SAMD3: variants seen among roughly 807,000 people sequenced by gnomAD.
SAMD3 encodes the protein sterile alpha motif domain-containing protein 3.
SAMD3 carries 63 observed loss-of-function variants against 58.5 expected under a neutral mutation model. The observed-to-expected ratio is 1.08, with a 90% CI of 0.88 to 1.33. SAMD3 has a LOEUF of 1.33. SAMD3 is among the 40% of genes most tolerant of loss of function. The probability of loss-of-function intolerance (pLI) is 0.00; values close to 1 mark genes in which losing one functional copy is unlikely to be tolerated. For synonymous variants in SAMD3, 220 were observed against 210.3 expected (o/e 1.05, Z -0.40); for missense variants, 604 against 608.4 (o/e 0.99, Z 0.08).
chr6:130,303,377 G>A (rs1000973537), intron 2 of SAMD3, among the ~76,000 whole-genome samples: 3 of 152,138 alleles, frequency 2.0e-5, no homozygotes, highest in African/African-American at 7.2e-5. Context: ...AAAGCAGCTA[G>A]TGTCTATTGT....
At chr6:130,286,299 A>G (rs1372181640) in intron 2 of SAMD3, 1 of 152,358 alleles carries the variant, frequency 6.6e-6, no homozygotes, top group Non-Finnish European at 1.5e-5. Context: ...AAACCAATTA[A>G]GGTAGGAGAG....
intron 1 of SAMD3, among the ~76,000 whole-genome samples, chr6:130,218,123 T>A (rs1342475898): frequency 6.6e-6 from 1 of 152,178 alleles, no homozygotes; most frequent in Non-Finnish European, 1.5e-5. Flanking sequence ...CACACTGCCA[T>A]GAAATATTAG....
chr6:130,339,135 C>G (rs562554579), intron 1 of SAMD3, among the ~76,000 whole-genome samples: 1 of 152,298 alleles, frequency 6.6e-6, no homozygotes, highest in East Asian at 1.9e-4. Flanking sequence ...CAAGCTCCAC[C>G]TCCCAGGTTC....
intron 5 of SAMD3, among the ~76,000 whole-genome samples, chr6:130,208,450 A>C (rs1582930006): frequency 6.6e-6 from 1 of 152,178 alleles, no homozygotes; most frequent in East Asian, 1.9e-4. Flanking sequence ...GCAGCGGGTG[A>C]GCGAGCAAGG....
intron 2 of SAMD3, among the ~76,000 whole-genome samples, chr6:130,299,026 C>T (rs973992424): frequency 1.3e-5 from 2 of 152,172 alleles, no homozygotes; most frequent in East Asian, 3.8e-4. Flanking sequence ...GACTTCAACA[C>T]TCCACTGACA....
chr6:130,197,400 G>T (rs1005396306), intron 5 of SAMD3, among the ~76,000 whole-genome samples: 2 of 152,178 alleles, frequency 1.3e-5, no homozygotes, highest in African/African-American at 4.8e-5. Flanking sequence ...TCCCCAAACT[G>T]CCACTCTTAA....
At chr6:130,358,332 G>A (rs756112654) in intron 1 of SAMD3, among the ~76,000 whole-genome samples, 1 of 152,216 alleles carries the variant, frequency 6.6e-6, no homozygotes, top group Non-Finnish European at 1.5e-5. Flanking sequence ...ATTTCAGGAA[G>A]CTTTCAATTC....
chr6:130,274,331 A>G (rs917147120), intron 2 of SAMD3, among the ~76,000 whole-genome samples: 1 of 152,108 alleles, frequency 6.6e-6, no homozygotes, highest in Non-Finnish European at 1.5e-5. Context: ...TTTCTTGCTT[A>G]TAATTTTGAA....
chr6:130,179,293 G>A (rs1349490939), intron 7 of SAMD3, among the ~76,000 whole-genome samples: 6 of 152,138 alleles, frequency 3.9e-5, no homozygotes, highest in South Asian at 2.1e-4. Flanking sequence ...TTACGCAGAC[G>A]CCTCAGGTAG....
intron 2 of SAMD3, among the ~76,000 whole-genome samples, chr6:130,247,893 G>A (rs150268092): frequency 8.7e-4 from 133 of 152,240 alleles, no homozygotes; most frequent in African/African-American, 3.0e-3. Flanking sequence ...GTGCATTACA[G>A]TTGTCTACCT....
At chr6:130,239,310 G>A (rs549924800) in intron 2 of SAMD3, among the ~76,000 whole-genome samples, 25 of 152,238 alleles carry the variant, frequency 1.6e-4, no homozygotes, top group African/African-American at 3.1e-4. Context: ...AACCATGAGC[G>A]AAAGATGAGT....
chr6:130,243,099 C>T (rs1323622751), intron 2 of SAMD3, among the ~76,000 whole-genome samples: 1 of 152,196 alleles, frequency 6.6e-6, no homozygotes, highest in Admixed American at 6.5e-5. Context: ...CCAAGAGCCT[C>T]ATCTTTCTTT....
chr6:130,256,556 C>G (rs1773933809), intron 2 of SAMD3, among the ~76,000 whole-genome samples: 1 of 152,154 alleles, frequency 6.6e-6, no homozygotes, highest in South Asian at 2.1e-4. Flanking sequence ...AGAGGTCTCT[C>G]TAATTTGTAT....
At chr6:130,278,564 T>C (rs3914332) in intron 2 of SAMD3, among the ~76,000 whole-genome samples, 47,275 of 152,016 alleles carry the variant, frequency 0.31, 7,733 homozygotes, top group East Asian at 0.47. Flanking sequence ...AATTATGGCT[T>C]AGCCATCTAG....
intron 1 of SAMD3, among the ~76,000 whole-genome samples, chr6:130,319,015 G>A (rs1776491372): frequency 1.3e-5 from 2 of 152,090 alleles, no homozygotes; most frequent in South Asian, 4.1e-4. Context: ...AAGACAGACT[G>A]GATCAATGAC....
At chr6:130,185,546 C>T (rs1792865746) in intron 5 of SAMD3, among the ~76,000 whole-genome samples, 1 of 151,302 alleles carries the variant, frequency 6.6e-6, no homozygotes, top group Non-Finnish European at 1.5e-5. Context: ...CCAGGATGGT[C>T]TCAATCTCCT....
In SAMD3 at chr6:130,209,610, T is replaced by A. The variant is rs1795362621; in HGVS notation, c.270-2A>T. ...CTGGAGGACTCTTCATCCCTGTAAC[T>A]AAGAAAGAAGAGGTGGGTCAGGCAC... On this transcript the variant is annotated splice_acceptor_variant, in intron 4 of 11. Coordinates refer to ENST00000439090, the MANE Select transcript of SAMD3 (RefSeq NM_001017373.4). LOFTEE classifies it high-confidence loss of function. 1 of 1,593,358 alleles carries A rather than the reference T, an allele frequency of 6.3e-7. No individual in the cohort carries two copies. The highest frequency in any genetic ancestry group is 1.3e-5 in the African/African-American group (1 of 74,470).
intron 9 of SAMD3, among the ~76,000 whole-genome samples, chr6:130,147,329 TA>T (rs148010466): frequency 6.8e-4 from 104 of 152,330 alleles, no homozygotes; most frequent in East Asian, 5.2e-3. Flanking sequence ...CTGGAATGCA[TA>T]AGGCATAGTG....
At chr6:130,342,572 A>G (rs1350205731) in intron 1 of SAMD3, among the ~76,000 whole-genome samples, 2 of 152,166 alleles carry the variant, frequency 1.3e-5, no homozygotes, top group Non-Finnish European at 2.9e-5. Flanking sequence ...TCTTCTTTAA[A>G]AAACATAAAA....
Sources: gnomAD v4.1 joint callset for allele counts (sites outside exome capture counted in the v4.1 genomes callset) on GRCh38, gnomAD v4.1.1 for gene constraint, MANE v1.5 for transcripts, NCBI Gene and HGNC (gene_info 2026-07-23, HGNC 2026-07-21) for gene names.